Variants in ANKRD6 observed in about 807,000 individuals in gnomAD.
ANKRD6 encodes ankyrin repeat domain 6.
Under a neutral mutation model 82.3 loss-of-function variants are expected in ANKRD6, and 56 were observed. The ratio of observed to expected loss-of-function variants is 0.68; its 90% CI spans 0.55 to 0.85. ANKRD6 has a LOEUF of 0.85. Among genes scored for constraint, ANKRD6 ranks in the 40% least tolerant of loss-of-function variants. ANKRD6 has a pLI of 0.00. For synonymous variants in ANKRD6, 347 were observed against 352.1 expected (o/e 0.99, Z 0.16); for missense variants, 852 against 907.6 (o/e 0.94, Z 0.79).
rs1788716604 is a variant in ANKRD6, at chr6:89,567,200, G to A, written c.120+104G>A. On this transcript the variant is annotated intron_variant, in intron 2 of 15. Coordinates refer to ENST00000339746, the MANE Select transcript of ANKRD6 (RefSeq NM_001242809.2). The stretch of plus-strand genomic sequence containing the variant: ...TTTGGTTCACAGCTTTCAAAGAACT[G>A]GCTTTTCTTCCAATGATGGAGGTTT... 2.8e-6 allele frequency: 4 copies of A among 1,443,254 alleles called. No homozygotes were observed. In the Admixed American group the frequency reaches 9.9e-5, roughly 36 times the overall value. 89.4% of individuals were successfully genotyped at this position (1,443,254 alleles called of 1,614,324 possible). A position where few individuals can be genotyped will look rare whatever the true frequency, so the allele number is the denominator to read the frequency against.
Position 89,630,845 on chromosome 6 carries a change from T to G in ANKRD6, c.2025T>G (p.Val675=). 6.2e-7 allele frequency: 1 copy of G among 1,613,900 alleles called. No homozygotes were observed. Among genetic ancestry groups the G allele is most frequent in the Non-Finnish European group, 8.5e-7 (1 of 1,179,892 alleles). ...TTACCCAGTATTTTTTTGAGGCTGT[T>G]TCTACCCAGATGGAAAAGTGGTATG... The part of the protein sequence containing the change: ...LELTQYFFEA[V]STQMEKWYER... Residue 675 remains valine (V), a synonymous_variant, in exon 16 of 16, where the codon GTT becomes GTG. Coordinates refer to ENST00000339746, the MANE Select transcript of ANKRD6 (RefSeq NM_001242809.2).
chr6:89,618,104 C>T (rs764089779), intron 9 of ANKRD6, 73 bp downstream of exon 9: 3 of 1,489,896 alleles, frequency 2.0e-6, no homozygotes, highest in Non-Finnish European at 9.4e-7. Flanking sequence ...TGGTTGCAAT[C>T]TACTGAAGCC....
intron 1 of ANKRD6, among the ~76,000 whole-genome samples, chr6:89,565,540 C>T (rs1208733399): frequency 3.3e-5 from 5 of 152,194 alleles, no homozygotes; most frequent in South Asian, 4.1e-4. Context: ...CTGTTTTATA[C>T]GTGGGCATTT....
intron 2 of ANKRD6, among the ~76,000 whole-genome samples, chr6:89,590,688 C>A (rs908575097): frequency 6.6e-5 from 10 of 152,148 alleles, no homozygotes; most frequent in Non-Finnish European, 1.0e-4. Context: ...CCTACCCTTA[C>A]CCCCAACACA....
chr6:89,504,764 G>A (rs539620258), intron 1 of ANKRD6, among the ~76,000 whole-genome samples: 6 of 152,324 alleles, frequency 3.9e-5, no homozygotes, highest in Admixed American at 3.9e-4. Flanking sequence ...GTCTGCAGCA[G>A]TAGTGTGGGG....
chr6:89,441,620 CTTTTTTTTTTT>C (rs71556522), intron 1 of ANKRD6, among the ~76,000 whole-genome samples: 18 of 80,456 alleles, frequency 2.2e-4, no homozygotes, highest in South Asian at 4.2e-4. Context: ...CTTTTCTTTC[CTTTTTTTTTTT>C]TTTTTTTTTT....
chr6:89,560,423 A>G (rs1449590051), intron 1 of ANKRD6, among the ~76,000 whole-genome samples: 1 of 152,190 alleles, frequency 6.6e-6, no homozygotes, highest in African/African-American at 2.4e-5. Flanking sequence ...TTATGACCAA[A>G]TTCACCTTAA....
intron 1 of ANKRD6, among the ~76,000 whole-genome samples, chr6:89,536,669 A>G (rs932531709): frequency 4.6e-5 from 7 of 152,226 alleles, no homozygotes; most frequent in Admixed American, 3.9e-4. Flanking sequence ...GCGCTGTCAT[A>G]AGCACATTGA....
intron 1 of ANKRD6, among the ~76,000 whole-genome samples, chr6:89,522,944 A>C (rs1317112648): frequency 6.6e-6 from 1 of 152,104 alleles, no homozygotes; most frequent in Non-Finnish European, 1.5e-5. Flanking sequence ...AGCCTCCAGC[A>C]TGTCAGGTGC....
At chr6:89,501,882 GAAT>G (rs1245283587) in intron 1 of ANKRD6, among the ~76,000 whole-genome samples, 3 of 151,944 alleles carry the variant, frequency 2.0e-5, no homozygotes, top group Admixed American at 6.6e-5. Context: ...TGAGTGGTAG[GAAT>G]AATAATATGT....
chr6:89,529,580 C>T (rs1782897848), intron 1 of ANKRD6, among the ~76,000 whole-genome samples: 1 of 152,232 alleles, frequency 6.6e-6, no homozygotes, highest in South Asian at 2.1e-4. Flanking sequence ...AAGAACTTTT[C>T]CTTTGCATTC....
intron 1 of ANKRD6, among the ~76,000 whole-genome samples, chr6:89,450,064 C>T (rs150003100): frequency 0.018 from 2,709 of 152,146 alleles, 89 homozygotes; most frequent in African/African-American, 0.06. Context: ...AGGCTGGGCA[C>T]GGTGGCTCAT....
At chr6:89,530,376 A>G (rs1398434826) in intron 1 of ANKRD6, among the ~76,000 whole-genome samples, 6 of 152,156 alleles carry the variant, frequency 3.9e-5, no homozygotes, top group Admixed American at 6.5e-5. Context: ...AGGTTGCCAC[A>G]AACCTTCAAT....
intron 1 of ANKRD6, among the ~76,000 whole-genome samples, chr6:89,442,737 A>G (rs762547641): frequency 1.3e-5 from 2 of 151,962 alleles, no homozygotes; most frequent in African/African-American, 2.4e-5. Flanking sequence ...AAAAGTTATT[A>G]TCTAAAGATC....
intron 2 of ANKRD6, among the ~76,000 whole-genome samples, chr6:89,571,121 G>A (rs1309177963): frequency 6.6e-6 from 1 of 152,032 alleles, no homozygotes; most frequent in Non-Finnish European, 1.5e-5. Flanking sequence ...GTGCTATCTT[G>A]GCTCACTGCA....
intron 1 of ANKRD6, among the ~76,000 whole-genome samples, chr6:89,486,490 G>A (rs973030218): frequency 6.6e-6 from 1 of 152,184 alleles, no homozygotes; most frequent in Middle Eastern, 3.4e-3. Flanking sequence ...CATGACTTCT[G>A]TCTTAGTTCA....
chr6:89,604,552 C>T (rs1798053983), intron 4 of ANKRD6, among the ~76,000 whole-genome samples: 1 of 151,650 alleles, frequency 6.6e-6, no homozygotes, highest in African/African-American at 2.4e-5. Context: ...GTATAATATA[C>T]ATACAGAAAA....
intron 6 of ANKRD6, 121 bp from the exon 7 acceptor site, chr6:89,613,671 T>C: frequency 2.2e-6 from 2 of 897,616 alleles, no homozygotes; most frequent in Non-Finnish European, 1.7e-6. Flanking sequence ...AAAGAGCTGC[T>C]TATGATTCCC....
intron 1 of ANKRD6, among the ~76,000 whole-genome samples, chr6:89,461,539 A>G (rs1205485464): frequency 6.6e-6 from 1 of 152,202 alleles, no homozygotes; most frequent in East Asian, 1.9e-4. Flanking sequence ...GATGCTAATA[A>G]TTTAGAATTC....
Sources: allele counts gnomAD v4.1 joint callset (sites outside exome capture counted in the v4.1 genomes callset), GRCh38; gene constraint gnomAD v4.1.1; transcripts MANE v1.5; gene names NCBI Gene and HGNC (gene_info 2026-07-23, HGNC 2026-07-21).